Variants in SGIP1 observed in about 807,000 individuals in gnomAD.
The protein encoded by SGIP1 is SH3GL interacting endocytic adaptor 1.
SGIP1 carries 38 observed loss-of-function variants against 107.5 expected under a neutral mutation model. The observed-to-expected ratio is 0.35, with a 90% CI of 0.27 to 0.46. The LOEUF (loss-of-function observed/expected upper bound fraction) is 0.46. Ranked by LOEUF, SGIP1 falls within the 20% of genes least tolerant of loss-of-function variation. The probability of loss-of-function intolerance (pLI) is 1.00; values close to 1 mark genes in which losing one functional copy is unlikely to be tolerated. For missense variants in SGIP1, 929 were observed against 1,019.5 expected, an observed-to-expected ratio of 0.91 and a Z score of 1.21; for synonymous variants, 365 against 366.1, an observed-to-expected ratio of 1.00 and a Z score of 0.03.
chr1:66,574,241 G>C (rs1332669415), intron 1 of SGIP1, among the ~76,000 whole-genome samples: 3 of 151,950 alleles, frequency 2.0e-5, no homozygotes, highest in Non-Finnish European at 4.4e-5. Context: ...TCTCAGCTTG[G>C]GAGTACCCCA....
At chr1:66,563,638 C>G (rs138585161) in intron 1 of SGIP1, among the ~76,000 whole-genome samples, 1 of 151,948 alleles carries the variant, frequency 6.6e-6, no homozygotes, top group African/African-American at 2.4e-5. Context: ...TGAATCACAT[C>G]GGATGGAATG....
At chr1:66,593,091 A>T (rs902993029) in intron 1 of SGIP1, among the ~76,000 whole-genome samples, 3 of 151,456 alleles carry the variant, frequency 2.0e-5, no homozygotes, top group East Asian at 3.9e-4. Flanking sequence ...ATATGCATTT[A>T]AGCTTATTCC....
chr1:66,536,389 C>A (rs1037441336), intron 1 of SGIP1, among the ~76,000 whole-genome samples: 6 of 152,116 alleles, frequency 3.9e-5, no homozygotes, highest in African/African-American at 1.2e-4. Context: ...GTTTTTAAGC[C>A]TTATTATCTT....
intron 1 of SGIP1, among the ~76,000 whole-genome samples, chr1:66,587,666 T>C (rs541963243): frequency 2.3e-4 from 35 of 152,160 alleles, no homozygotes; most frequent in Non-Finnish European, 4.1e-4. Context: ...TCTAGGATAC[T>C]GCTAATTCTA....
At chr1:66,694,724 G>C (rs749419386) in intron 17 of SGIP1, 2 of 400,800 alleles carry the variant, frequency 5.0e-6, no homozygotes, top group Non-Finnish European at 8.8e-6. Context: ...CAGTTTCTCA[G>C]TGAAGAGGTT....
intron 1 of SGIP1, among the ~76,000 whole-genome samples, chr1:66,588,015 A>C (rs72676194): frequency 0.14 from 21,508 of 152,082 alleles, 1,561 homozygotes; most frequent in African/African-American, 0.16. Context: ...CAACAACAAC[A>C]AAATCATGGG....
chr1:66,614,732 T>C (rs1303563620), intron 1 of SGIP1, among the ~76,000 whole-genome samples: 1 of 151,846 alleles, frequency 6.6e-6, no homozygotes, highest in African/African-American at 2.4e-5. Flanking sequence ...AATCTCCTAC[T>C]TTATCTACCT....
intron 1 of SGIP1, among the ~76,000 whole-genome samples, chr1:66,581,596 T>C (rs140345660): frequency 6.6e-6 from 1 of 152,152 alleles, no homozygotes; most frequent in African/African-American, 2.4e-5. Context: ...TCTATAAAAA[T>C]AATTCATGTG....
At chr1:66,740,506 G>A (rs1572474369) in intron 22 of SGIP1, 152 bp from the exon 23 acceptor site, 5 of 644,364 alleles carry the variant, frequency 7.8e-6, no homozygotes, top group South Asian at 1.8e-5. Context: ...GTATGTCTGG[G>A]AGGGGAGAGA....
intron 21 of SGIP1, among the ~76,000 whole-genome samples, chr1:66,736,760 G>A (rs536483413): frequency 6.6e-6 from 1 of 151,664 alleles, no homozygotes; most frequent in Admixed American, 6.6e-5. Context: ...TATTTAATTG[G>A]TTTAGAATGC....
chr1:66,733,024 C>T (rs1266862030), intron 20 of SGIP1, among the ~76,000 whole-genome samples: 1 of 152,074 alleles, frequency 6.6e-6, no homozygotes. Context: ...TGAGCATTTG[C>T]AAGATAGATT....
chr1:66,644,999 AC>A (rs1195574079), intron 7 of SGIP1, among the ~76,000 whole-genome samples: 10 of 152,208 alleles, frequency 6.6e-5, no homozygotes, highest in Non-Finnish European at 1.3e-4. Flanking sequence ...ACACTCTTTC[AC>A]TTTTCAGTGG....
chr1:66,656,188 G>T (rs2079746524), intron 7 of SGIP1, among the ~76,000 whole-genome samples: 2 of 152,068 alleles, frequency 1.3e-5, no homozygotes, highest in Admixed American at 6.5e-5. Context: ...ACAGGGTCAG[G>T]ACCAGCAACA....
intron 1 of SGIP1, among the ~76,000 whole-genome samples, chr1:66,584,438 T>C (rs2062260427): frequency 1.3e-5 from 2 of 152,184 alleles, no homozygotes; most frequent in African/African-American, 4.8e-5. Flanking sequence ...ATCTCTTCTG[T>C]AGCCCCTGTT....
At chr1:66,560,963 A>G (rs1282954311) in intron 1 of SGIP1, among the ~76,000 whole-genome samples, 1 of 152,088 alleles carries the variant, frequency 6.6e-6, no homozygotes, top group African/African-American at 2.4e-5. Context: ...GTGTTAACAC[A>G]TTTATATTTT....
In SGIP1 at chr1:66,685,483, G is replaced by A. The variant is rs555040871; in HGVS notation, c.1315+3114G>A. ...GTGTGCCAGAGGCTGGAGGCAAAGAGTTTTGTTGGCTTGCACCATGTTTGA... is the reference window on the plus strand; with the variant it reads ...GTGTGCCAGAGGCTGGAGGCAAAGAATTTTGTTGGCTTGCACCATGTTTGA... On this transcript the variant is annotated intron_variant, in intron 15 of 24. Coordinates refer to ENST00000371037, the MANE Select transcript of SGIP1 (RefSeq NM_032291.4). Among the ~76,000 whole-genome samples, 26 of 152,320 alleles carry A rather than the reference G, an allele frequency of 1.7e-4. No individual in the cohort carries two copies. In the South Asian group the frequency reaches 5.4e-3, roughly 32 times the overall value.
intron 1 of SGIP1, among the ~76,000 whole-genome samples, chr1:66,605,815 G>A (rs1275849819): frequency 6.6e-6 from 1 of 152,152 alleles, no homozygotes; most frequent in Non-Finnish European, 1.5e-5. Flanking sequence ...GATTATGTCT[G>A]TGGTTCAATT....
chr1:66,651,053 G>A (rs79082555), intron 7 of SGIP1, among the ~76,000 whole-genome samples: 1 of 152,170 alleles, frequency 6.6e-6, no homozygotes, highest in Non-Finnish European at 1.5e-5. Context: ...TAGGATATTT[G>A]TAAGAATTAA....
chr1:66,711,641 T>C (rs929194000), intron 18 of SGIP1, among the ~76,000 whole-genome samples: 2 of 152,142 alleles, frequency 1.3e-5, no homozygotes, highest in Non-Finnish European at 2.9e-5. Flanking sequence ...CTGTTGGTTA[T>C]ATCCCTGCAT....
Sources: allele counts gnomAD v4.1 joint callset (sites outside exome capture counted in the v4.1 genomes callset), GRCh38; gene constraint gnomAD v4.1.1; transcripts MANE v1.5; gene names NCBI Gene and HGNC (gene_info 2026-07-23, HGNC 2026-07-21).